The following RANBP2 variants were observed in gnomAD, a reference collection of about 807,000 sequenced individuals.
The protein encoded by RANBP2 is RAN binding protein 2, also known as E3 SUMO-protein ligase RanBP2.
Under a neutral mutation model 303.6 loss-of-function variants are expected in RANBP2, and 57 were observed. That is an observed-to-expected ratio of 0.19 (90% confidence interval 0.15 to 0.23). The LOEUF is 0.23. Ranked by LOEUF, RANBP2 falls within the 10% of genes least tolerant of loss-of-function variation. The pLI, the probability that RANBP2 is intolerant of heterozygous loss-of-function variation, is 1.00. For synonymous variants in RANBP2, 1,167 were observed against 1,301.5 expected (o/e 0.90, Z 2.23); for missense variants, 3,138 against 3,780.8 (o/e 0.83, Z 4.46).
chr2:109,090,220 CCT>C, the RANBP2 span, among the ~76,000 whole-genome samples: 1 of 151,622 alleles, frequency 6.6e-6, no homozygotes, highest in Non-Finnish European at 1.5e-5. Context: ...GGTACTCTGT[CCT>C]TATGCTCATC....
At chr2:109,658,487 C>T in the RANBP2 span, among the ~76,000 whole-genome samples, 3 of 152,024 alleles carry the variant, frequency 2.0e-5, no homozygotes, top group Non-Finnish European at 2.9e-5. Flanking sequence ...ACAATATTCT[C>T]TTTTTATTTA....
the RANBP2 span, among the ~76,000 whole-genome samples, chr2:108,965,546 A>G: frequency 6.6e-6 from 1 of 151,894 alleles, no homozygotes; most frequent in African/African-American, 2.4e-5. Context: ...TACAGACAGG[A>G]AGATCCTTAG....
the RANBP2 span, among the ~76,000 whole-genome samples, chr2:109,380,774 C>T: frequency 5.3e-5 from 8 of 152,224 alleles, no homozygotes; most frequent in African/African-American, 1.7e-4. Context: ...GCAATCCCTG[C>T]CCACCAGGTG....
chr2:109,565,816 T>G, the RANBP2 span: 1 of 1,614,058 alleles, frequency 6.2e-7, no homozygotes, highest in Non-Finnish European at 8.5e-7. Context: ...GTTTCCGACT[T>G]TTACCTCATC....
At chr2:109,059,120 G>T in the RANBP2 span, among the ~76,000 whole-genome samples, 6 of 152,224 alleles carry the variant, frequency 3.9e-5, 1 homozygote, top group Admixed American at 2.6e-4. Flanking sequence ...GGGAGTTAGG[G>T]GACCCTCCTC....
At chr2:109,378,135 C>T in the RANBP2 span, among the ~76,000 whole-genome samples, 1 of 152,282 alleles carries the variant, frequency 6.6e-6, no homozygotes, top group African/African-American at 2.4e-5. Flanking sequence ...GGGAAGTATC[C>T]CAGGTGCTGA....
chr2:109,491,995 T>C, the RANBP2 span, among the ~76,000 whole-genome samples: 17,585 of 152,068 alleles, frequency 0.12, 1,500 homozygotes, highest in East Asian at 0.27. Context: ...TATTCTTCTG[T>C]ATAGTTTTCT....
chr2:109,154,712 A>G, the RANBP2 span, among the ~76,000 whole-genome samples: 1 of 152,114 alleles, frequency 6.6e-6, no homozygotes, highest in Non-Finnish European at 1.5e-5. Context: ...CAGGGTTTGG[A>G]CAAGGTCTGT....
chr2:109,729,390 T>C, the RANBP2 span, among the ~76,000 whole-genome samples: 5 of 152,226 alleles, frequency 3.3e-5, no homozygotes, highest in Non-Finnish European at 7.3e-5. Context: ...TTCATGCCTG[T>C]AACCCCAGCA....
the RANBP2 span, among the ~76,000 whole-genome samples, chr2:109,204,465 T>G: frequency 6.6e-6 from 1 of 152,248 alleles, no homozygotes; most frequent in East Asian, 1.9e-4. Flanking sequence ...GGTTCACTTG[T>G]GGCTTTTGTT....
At chr2:109,166,459 GAA>G in the RANBP2 span, among the ~76,000 whole-genome samples, 1 of 134,290 alleles carries the variant, frequency 7.4e-6, no homozygotes, top group African/African-American at 2.8e-5. Context: ...CCTGGTGACA[GAA>G]AAAAAAAAAA....
the RANBP2 span, chr2:109,615,032 T>C: frequency 6.5e-7 from 1 of 1,547,698 alleles, no homozygotes; most frequent in Non-Finnish European, 8.7e-7. Context: ...TCCCGCCACA[T>C]GGCTGCGAGG....
chr2:109,497,771 G>A, the RANBP2 span, among the ~76,000 whole-genome samples: 2 of 152,214 alleles, frequency 1.3e-5, no homozygotes, highest in African/African-American at 4.8e-5. Context: ...TCATTGAATT[G>A]CTCAGAAGCA....
At chr2:109,501,224 G>C in the RANBP2 span, among the ~76,000 whole-genome samples, 1 of 152,194 alleles carries the variant, frequency 6.6e-6, no homozygotes, top group African/African-American at 2.4e-5. Context: ...GGGGGGCTGT[G>C]CTTGGGTGGA....
At chr2:108,869,847 G>A in the RANBP2 span, among the ~76,000 whole-genome samples, 106 of 152,124 alleles carry the variant, frequency 7.0e-4, no homozygotes, top group African/African-American at 2.3e-3. Context: ...TGGGAGGGGT[G>A]GTTTTTTCAA....
chr2:109,481,609 C>T, the RANBP2 span, among the ~76,000 whole-genome samples: 1 of 152,138 alleles, frequency 6.6e-6, no homozygotes, highest in Non-Finnish European at 1.5e-5. Context: ...GCGCTTCATC[C>T]CTCCACTCAG....
the RANBP2 span, among the ~76,000 whole-genome samples, chr2:109,139,810 A>G: frequency 3.0e-4 from 45 of 152,294 alleles, no homozygotes; most frequent in Middle Eastern, 3.4e-3. Context: ...GAGCTTTTCA[A>G]TCACCTCTTT....
chr2:109,709,397 T>A, the RANBP2 span, among the ~76,000 whole-genome samples: 1 of 150,932 alleles, frequency 6.6e-6, no homozygotes, highest in African/African-American at 2.4e-5. Flanking sequence ...AACAAAACTT[T>A]AGCTTTGCTG....
the RANBP2 span, among the ~76,000 whole-genome samples, chr2:109,243,450 C>T: frequency 6.6e-6 from 1 of 152,184 alleles, no homozygotes; most frequent in South Asian, 2.1e-4. Flanking sequence ...AAGGGATTTT[C>T]GTATTCTCCT....
Sources: allele counts gnomAD v4.1 joint callset (sites outside exome capture counted in the v4.1 genomes callset), GRCh38; gene constraint gnomAD v4.1.1; transcripts MANE v1.5; gene names NCBI Gene and HGNC (gene_info 2026-07-23, HGNC 2026-07-21).